B3GALT1: variants seen among roughly 807,000 people sequenced by gnomAD.
B3GALT1 encodes beta-1,3-galactosyltransferase 1.
In B3GALT1, 10 loss-of-function variants were observed where a neutral mutation model predicts 23.2. That is an observed-to-expected ratio of 0.43 (90% CI 0.27 to 0.73). The LOEUF is 0.73. B3GALT1 is among the 30% of genes least tolerant of loss of function. The probability of loss-of-function intolerance (pLI) is 0.21; values close to 1 mark genes in which losing one functional copy is unlikely to be tolerated. For synonymous variants in B3GALT1, 156 were observed against 141.5 expected (o/e 1.10, Z -0.73); for missense variants, 299 against 405.4 (o/e 0.74, Z 2.25).
chr2:167,623,419 C>T (rs1685294113), intron 2 of B3GALT1, among the ~76,000 whole-genome samples: 1 of 152,102 alleles, frequency 6.6e-6, no homozygotes, highest in Admixed American at 6.6e-5. Flanking sequence ...GAATACTATG[C>T]AGCCATAAAA....
At chr2:167,861,953 C>G (rs1287392502) in intron 4 of B3GALT1, among the ~76,000 whole-genome samples, 1 of 152,154 alleles carries the variant, frequency 6.6e-6, no homozygotes, top group Non-Finnish European at 1.5e-5. Context: ...AAACTGGAGA[C>G]ATTCCTTGAG....
intron 4 of B3GALT1, among the ~76,000 whole-genome samples, chr2:167,846,281 C>G (rs538957359): frequency 6.6e-6 from 1 of 152,198 alleles, no homozygotes; most frequent in South Asian, 2.1e-4. Context: ...AAGATCGTCA[C>G]CTAGGCACAT....
intron 1 of B3GALT1, among the ~76,000 whole-genome samples, chr2:167,380,675 C>G (rs1165733473): frequency 2.0e-5 from 3 of 152,134 alleles, no homozygotes; most frequent in Admixed American, 2.0e-4. Flanking sequence ...GTGTCTTTCC[C>G]TCACAGCATC....
chr2:167,779,457 A>T (rs940928156), intron 3 of B3GALT1, among the ~76,000 whole-genome samples: 3 of 152,200 alleles, frequency 2.0e-5, no homozygotes, highest in Non-Finnish European at 4.4e-5. Flanking sequence ...TTTCCACTGT[A>T]ATATGGCTCT....
intron 4 of B3GALT1, among the ~76,000 whole-genome samples, chr2:167,833,047 T>C (rs1414787681): frequency 1.3e-5 from 2 of 152,218 alleles, no homozygotes; most frequent in Non-Finnish European, 2.9e-5. Flanking sequence ...AGCAGTGTGA[T>C]TGGTTTCTTA....
chr2:167,718,009 T>G (rs1687177646), intron 3 of B3GALT1, among the ~76,000 whole-genome samples: 20 of 152,224 alleles, frequency 1.3e-4, no homozygotes, highest in Admixed American at 1.3e-3. Flanking sequence ...TTACAGTTTT[T>G]TAACTGTGTT....
chr2:167,341,143 A>G (rs1043781968), intron 1 of B3GALT1, among the ~76,000 whole-genome samples: 3 of 152,180 alleles, frequency 2.0e-5, no homozygotes, highest in Admixed American at 2.0e-4. Context: ...ACAGATTAAA[A>G]TTAACACAGA....
intron 4 of B3GALT1, among the ~76,000 whole-genome samples, chr2:167,831,010 A>G (rs1472423662): frequency 2.6e-5 from 4 of 152,230 alleles, no homozygotes; most frequent in African/African-American, 9.6e-5. Context: ...TAGTGTAAGT[A>G]GAAATAAATT....
chr2:167,385,143 C>G (rs1044205975), intron 1 of B3GALT1, among the ~76,000 whole-genome samples: 1 of 152,266 alleles, frequency 6.6e-6, no homozygotes, highest in East Asian at 1.9e-4. Flanking sequence ...GATCTCAGAA[C>G]CTCTGCTTTC....
At chr2:167,364,157 C>G (rs1179323838) in intron 1 of B3GALT1, among the ~76,000 whole-genome samples, 1 of 98,188 alleles carries the variant, frequency 1.0e-5, no homozygotes, top group Non-Finnish European at 2.2e-5. Context: ...GAGTGGGACT[C>G]CATCTCAAAA....
intron 2 of B3GALT1, among the ~76,000 whole-genome samples, chr2:167,595,839 C>T (rs1336528277): frequency 1.3e-5 from 2 of 152,116 alleles, no homozygotes; most frequent in African/African-American, 2.4e-5. Flanking sequence ...ATTAAGAGGG[C>T]TGGTTTGTCT....
At chr2:167,748,075 G>A (rs1360186177) in intron 3 of B3GALT1, among the ~76,000 whole-genome samples, 1 of 152,102 alleles carries the variant, frequency 6.6e-6, no homozygotes, top group African/African-American at 2.4e-5. Context: ...CAAAAAAGCT[G>A]TTTCCAAGTA....
intron 1 of B3GALT1, among the ~76,000 whole-genome samples, chr2:167,486,002 A>T (rs1372644117): frequency 6.6e-6 from 1 of 152,202 alleles, no homozygotes; most frequent in Non-Finnish European, 1.5e-5. Flanking sequence ...AATTATCTAG[A>T]ATTCTGTACC....
In B3GALT1 at chr2:167,664,847, T is replaced by C. The variant is rs1238687501; in HGVS notation, c.-352+17881T>C. 6.0e-5 allele frequency among the ~76,000 whole-genome samples: 9 copies of C among 150,806 alleles called. No homozygotes were observed. In the East Asian group the frequency reaches 1.7e-3, roughly 29 times the overall value. ...GACTTTGCTGAAGTTGCTTATCAGC[T>C]TAAGGAGATTTTGGGCTGAGACAAT... On this transcript the variant is annotated intron_variant, in intron 3 of 4. Transcript: ENST00000392690.
chr2:167,329,091 G>A (rs1696935327), intron 1 of B3GALT1, among the ~76,000 whole-genome samples: 1 of 152,150 alleles, frequency 6.6e-6, no homozygotes, highest in African/African-American at 2.4e-5. Flanking sequence ...GGGATTACAC[G>A]AGTGAGCCAC....
intron 2 of B3GALT1, among the ~76,000 whole-genome samples, chr2:167,508,318 C>T (rs1041511670): frequency 7.4e-5 from 11 of 147,942 alleles, no homozygotes; most frequent in African/African-American, 2.8e-4. Context: ...AGTGCAGTGG[C>T]AGTGATCTCG....
At chr2:167,668,420 C>T (rs976589890) in intron 3 of B3GALT1, among the ~76,000 whole-genome samples, 1 of 152,124 alleles carries the variant, frequency 6.6e-6, no homozygotes, top group Non-Finnish European at 1.5e-5. Flanking sequence ...TGTGCCCTGC[C>T]CCCAGAGGTG....
chr2:167,513,135 T>C (rs1032752482), intron 2 of B3GALT1, among the ~76,000 whole-genome samples: 5 of 147,512 alleles, frequency 3.4e-5, no homozygotes, highest in East Asian at 2.0e-4. Flanking sequence ...TACAGAAAAT[T>C]TGGGGGACTC....
At chr2:167,478,559 G>T (rs1359508084) in intron 1 of B3GALT1, among the ~76,000 whole-genome samples, 3 of 87,602 alleles carry the variant, frequency 3.4e-5, no homozygotes, top group Non-Finnish European at 7.5e-5. Flanking sequence ...TTTTTTTAGG[G>T]TTATTATAGT....
Sources: allele counts gnomAD v4.1 joint callset (sites outside exome capture counted in the v4.1 genomes callset), GRCh38; gene constraint gnomAD v4.1.1; transcripts MANE v1.5; gene names NCBI Gene and HGNC (gene_info 2026-07-23, HGNC 2026-07-21).